The following XRN1 variants were observed in gnomAD, a reference collection of about 807,000 sequenced individuals.
XRN1 encodes strand-exchange protein 1 homolog.
XRN1 carries 67 observed loss-of-function variants against 222.3 expected under a neutral mutation model. The observed-to-expected ratio is 0.30, with a 90% CI of 0.25 to 0.37. The LOEUF (loss-of-function observed/expected upper bound fraction) is 0.37, where lower values mean the gene tolerates loss of function less well. Among genes scored for constraint, XRN1 ranks in the 10% least tolerant of loss-of-function variants. XRN1 has a pLI of 1.00. For synonymous variants in XRN1, 643 were observed against 652.4 expected, an observed-to-expected ratio of 0.99 and a Z score of 0.22; for missense variants, 1,707 against 2,000.2, an observed-to-expected ratio of 0.85 and a Z score of 2.80.
intron 37 of XRN1, among the ~76,000 whole-genome samples, chr3:142,322,632 G>A (rs1235032399): frequency 6.6e-6 from 1 of 152,054 alleles, no homozygotes; most frequent in Non-Finnish European, 1.5e-5. Context: ...GTGAGCTCGT[G>A]CCACCGCACT....
intron 16 of XRN1, 70 bp downstream of exon 16, chr3:142,404,837 C>G: frequency 6.8e-7 from 1 of 1,477,236 alleles, no homozygotes; most frequent in South Asian, 1.2e-5. Context: ...AAAGCTCCCC[C>G]TTCACCACTT....
intron 10 of XRN1, among the ~76,000 whole-genome samples, chr3:142,419,354 A>C (rs965475989): frequency 6.6e-6 from 1 of 152,152 alleles, no homozygotes; most frequent in African/African-American, 2.4e-5. Flanking sequence ...CACACACAAA[A>C]ACCAGTGGAA....
At position 142,418,519 on chromosome 3, in the gene XRN1, AC is replaced by A; in HGVS notation, c.1330del (p.Val444LeufsTer3). 1 of 1,610,876 alleles carries A rather than the reference AC, an allele frequency of 6.2e-7. No homozygotes were observed. The highest frequency in any genetic ancestry group is 8.5e-7 in the Non-Finnish European group (1 of 1,178,660). On this transcript the variant is annotated frameshift_variant, in exon 12 of 41. Transcript: ENST00000392981. LOFTEE classifies it high-confidence loss of function. The stretch of plus-strand genomic sequence containing the variant: ...AAAAACGTACTCAGATACTACGTCA[AC>A]CCCCATCTTCGTCATGTAATATGTT... Reference protein sequence around the residue: ...KRTYYMTKMGVDVVSDDFLAD... With the variant: ...KRTYYMTKMGXDVVSDDFLAD...
At position 142,392,056 on chromosome 3, in the gene XRN1, T is replaced by C. The variant is rs539830185; in HGVS notation, c.2339+5273A>G. ...CTTTTCACTCCATTTTATCCTCAAC[T>C]TCTACCTCCTTATCTGAAGGTTCCA... On this transcript the variant is annotated intron_variant, in intron 20 of 40. Transcript: ENST00000392981. Among the ~76,000 whole-genome samples the C allele has an allele frequency of 4.3e-3, 656 of 152,200 alleles. 3 individuals carry two copies. Among genetic ancestry groups the C allele is most frequent in the African/African-American group, 0.013 (559 of 41,522 alleles).
At position 142,432,477 on chromosome 3, in the gene XRN1, C is replaced by G. The variant is rs1463839607; in HGVS notation, c.308+184G>C. On this transcript the variant is annotated intron_variant, in intron 2 of 40. Transcript: ENST00000392981. ...CTCCAACATATGTTTTGAGAAAGGA[C>G]ATCTCACTGAGTTCCTAACTCATTA... 2.6e-5 allele frequency among the ~76,000 whole-genome samples: 4 copies of G among 151,352 alleles called. No individual in the cohort carries two copies. The South Asian group carries it at 8.3e-4, about 31-fold the overall frequency.
chr3:142,402,963 T>C (rs547169979), intron 18 of XRN1, among the ~76,000 whole-genome samples: 1 of 152,226 alleles, frequency 6.6e-6, no homozygotes, highest in Admixed American at 6.5e-5. Context: ...TATCACCTGA[T>C]GCTACACTCG....
chr3:142,359,305 A>T (rs2066554044), intron 30 of XRN1, among the ~76,000 whole-genome samples: 1 of 152,080 alleles, frequency 6.6e-6, no homozygotes, highest in Admixed American at 6.6e-5. Flanking sequence ...TGTCTCCATT[A>T]CTACACCTGC....
Position 142,308,367 on chromosome 3 carries a change from A to T in XRN1, c.*3144T>A, listed in dbSNP as rs1292572628. 6.6e-6 allele frequency: 1 copy of T among 152,190 alleles called. No homozygotes were observed. Among genetic ancestry groups the T allele is most frequent in the East Asian group, 1.9e-4 (1 of 5,190 alleles). The allele number at this position is 152,190 out of a possible 1,614,324, so 9.4% of individuals were successfully genotyped here. ...GTAGCAGTCTAAAATGAAAGCAGGT[A>T]CCTGATCATAGAAAGAAACAATAAA... On this transcript the variant is annotated 3_prime_UTR_variant, in exon 41 of 41. Transcript: ENST00000392981.
chr3:142,370,814 TTGTTGATATA>T (rs2107887796), intron 26 of XRN1, among the ~76,000 whole-genome samples, 194 bp from the exon 27 acceptor site: 1 of 152,266 alleles, frequency 6.6e-6, no homozygotes, highest in East Asian at 1.9e-4. Flanking sequence ...TTAAAAGTAT[TTGTTGATATA>T]AATGAAAGAA....
In XRN1 at chr3:142,360,493, T is replaced by C. The variant is rs562193735; in HGVS notation, c.3395-562A>G. Among the ~76,000 whole-genome samples the C allele has an allele frequency of 1.3e-3, 191 of 152,202 alleles. 2 individuals are homozygous for C. The highest frequency in any genetic ancestry group is 1.9e-3 in the Non-Finnish European group (131 of 68,004). Reference sequence around the variant, plus strand: ...CTACAATGAACATGCAAATGTGTCCTTTATGCAGGTGAATGTTCCCTAGGT... The same window carrying C: ...CTACAATGAACATGCAAATGTGTCCCTTATGCAGGTGAATGTTCCCTAGGT... On this transcript the variant is annotated intron_variant, in intron 29 of 40. Transcript: ENST00000392981.
chr3:142,329,420 G>A lies in XRN1; in HGVS notation c.4404+14C>T. ...TTAAATAATTTATATAAATAGAACA[G>A]TAGTATACTATACCTGTGGCATCCT... On this transcript the variant is annotated intron_variant, in intron 37 of 40. Coordinates refer to ENST00000392981, the MANE Select transcript of XRN1 (RefSeq NM_001282857.2). The A allele has an allele frequency of 6.6e-7, 1 of 1,507,596 alleles. No homozygotes were observed. The highest frequency in any genetic ancestry group is 8.8e-7 in the Non-Finnish European group (1 of 1,130,294). 93.4% of individuals were successfully genotyped at this position (1,507,596 alleles called of 1,614,324 possible).
chr3:142,352,149 T>C (rs954917231), intron 32 of XRN1, among the ~76,000 whole-genome samples: 2 of 152,214 alleles, frequency 1.3e-5, no homozygotes, highest in Admixed American at 6.5e-5. Flanking sequence ...ACGATTCTTG[T>C]TTCCTATCTT....
chr3:142,367,025 C>T (rs1024694398), intron 27 of XRN1, among the ~76,000 whole-genome samples: 19 of 152,192 alleles, frequency 1.2e-4, no homozygotes, highest in Admixed American at 6.5e-4. Context: ...AAGAGGCTTA[C>T]GCCTGTAATC....
intron 36 of XRN1, among the ~76,000 whole-genome samples, chr3:142,331,298 T>C (rs2065689822): frequency 6.6e-6 from 1 of 152,204 alleles, no homozygotes; most frequent in South Asian, 2.1e-4. Context: ...GGAACAAATA[T>C]GGCGGATATT....
chr3:142,340,638 C>T (rs2065968150), intron 33 of XRN1, among the ~76,000 whole-genome samples: 1 of 151,892 alleles, frequency 6.6e-6, no homozygotes, highest in Non-Finnish European at 1.5e-5. Flanking sequence ...ATCAAACTCC[C>T]AAAGGTCAAA....
chr3:142,400,619 C>A, intron 18 of XRN1, 72 bp from the exon 19 acceptor site: 1 of 1,214,550 alleles, frequency 8.2e-7, no homozygotes, highest in Non-Finnish European at 1.2e-6. Flanking sequence ...GCAAAATTTT[C>A]CAATCTCCAT....
chr3:142,431,926 T>TA lies in XRN1; in HGVS notation c.308+734dup, dbSNP rs1386736400. On this transcript the variant is annotated intron_variant, in intron 2 of 40. Coordinates refer to ENST00000392981, the MANE Select transcript of XRN1 (RefSeq NM_001282857.2). Reference sequence around the variant, plus strand: ...ATTATATATATAAATATATATAATATAATATATTGTATATATTATATAATA... The same window carrying TA: ...ATTATATATATAAATATATATAATATAAATATATTGTATATATTATATAATA... Among the ~76,000 whole-genome samples, 114 of 79,620 alleles carry TA rather than the reference T, an allele frequency of 1.4e-3. 4 individuals are homozygous for TA. Among genetic ancestry groups the TA allele is most frequent in the African/African-American group, 5.6e-3 (113 of 20,052 alleles). 52.2% of individuals were successfully genotyped at this position (79,620 alleles called of 152,430 possible). A position where few individuals can be genotyped will look rare whatever the true frequency, so the allele number is the denominator to read the frequency against.
chr3:142,351,090 T>C (rs1157358110), intron 32 of XRN1, among the ~76,000 whole-genome samples: 2 of 152,156 alleles, frequency 1.3e-5, no homozygotes, highest in Non-Finnish European at 2.9e-5. Context: ...AAATCTATTT[T>C]TTTCTCTATC....
At chr3:142,347,118 C>G (rs377064705) in intron 33 of XRN1, 116 bp downstream of exon 33, 1 of 761,858 alleles carries the variant, frequency 1.3e-6, no homozygotes, top group African/African-American at 1.9e-5. Flanking sequence ...AACCACTTAT[C>G]GTATACTTTA....
Sources: gnomAD v4.1 joint callset for allele counts (sites outside exome capture counted in the v4.1 genomes callset) on GRCh38, gnomAD v4.1.1 for gene constraint, MANE v1.5 for transcripts, NCBI Gene and HGNC (gene_info 2026-07-23, HGNC 2026-07-21) for gene names.